Variants in SLC38A4 observed in about 807,000 individuals in gnomAD.
The protein encoded by SLC38A4 is solute carrier family 38 member 4.
In SLC38A4, 20 loss-of-function variants were observed where a neutral mutation model predicts 63.1. The ratio of observed to expected loss-of-function variants is 0.32; its 90% confidence interval spans 0.22 to 0.46. The LOEUF (loss-of-function observed/expected upper bound fraction) is 0.46, where lower values mean the gene tolerates loss of function less well. SLC38A4 is among the 20% of genes least tolerant of loss of function. SLC38A4 has a pLI of 1.00. For missense variants in SLC38A4, 526 were observed against 663.6 expected (o/e 0.79, Z 2.28); for synonymous variants, 230 against 225.5 (o/e 1.02, Z -0.18).
intron 2 of SLC38A4, among the ~76,000 whole-genome samples, chr12:46,797,073 T>A (rs1156699274): frequency 6.6e-6 from 1 of 152,166 alleles, no homozygotes; most frequent in Non-Finnish European, 1.5e-5. Flanking sequence ...TTTGTCCTTT[T>A]AAAAATATGT....
At chr12:46,832,222 C>G (rs1255356491) in intron 1 of SLC38A4, 5 of 152,088 alleles carry the variant, frequency 3.3e-5, no homozygotes, top group Non-Finnish European at 7.3e-5. Flanking sequence ...GGATGTCCCC[C>G]GTGCATACAC....
intron 2 of SLC38A4, among the ~76,000 whole-genome samples, chr12:46,802,781 C>T (rs993920542): frequency 3.1e-4 from 47 of 152,076 alleles, no homozygotes; most frequent in African/African-American, 1.1e-3. Context: ...AGTTACAAAA[C>T]ACTCTTAGTT....
At chr12:46,797,313 C>T (rs1939030956) in intron 2 of SLC38A4, among the ~76,000 whole-genome samples, 1 of 152,120 alleles carries the variant, frequency 6.6e-6, no homozygotes, top group East Asian at 1.9e-4. Flanking sequence ...ACTCTCACCA[C>T]TGAAGGTGAG....
At chr12:46,819,776 T>C (rs1173271583) in intron 1 of SLC38A4, among the ~76,000 whole-genome samples, 3 of 151,904 alleles carry the variant, frequency 2.0e-5, no homozygotes, top group Admixed American at 6.6e-5. Flanking sequence ...ATTGAAAAGA[T>C]TTGTTTAAAT....
upstream of SLC38A4, among the ~76,000 whole-genome samples, chr12:46,828,485 C>G (rs901364449): frequency 7.9e-5 from 12 of 152,076 alleles, no homozygotes; most frequent in Admixed American, 6.5e-4. Flanking sequence ...CCACATCCAG[C>G]TAATTTTTGT....
chr12:46,768,039 T>C (rs1419221653), intron 16 of SLC38A4, among the ~76,000 whole-genome samples: 1 of 152,154 alleles, frequency 6.6e-6, no homozygotes, highest in Non-Finnish European at 1.5e-5. Flanking sequence ...TATTGGACAC[T>C]GCTATTTGCC....
intron 5 of SLC38A4, 84 bp downstream of exon 5, chr12:46,787,832 G>T: frequency 3.1e-6 from 3 of 979,810 alleles, no homozygotes; most frequent in Non-Finnish European, 4.6e-6. Context: ...CGTTCACAAA[G>T]ATCAAACTTG....
At position 46,776,914 on chromosome 12, in the gene SLC38A4, T is replaced by G. The variant is rs770362299; in HGVS notation, c.1164A>C (p.Leu388=). 1 of 1,611,976 alleles carries G rather than the reference T, an allele frequency of 6.2e-7. No individual in the cohort carries two copies. Among genetic ancestry groups the G allele is most frequent in the Admixed American group, 1.7e-5 (1 of 59,866 alleles). ...MYLLAALFGY[L]TFYGEVEDEL... is the part of the protein sequence containing the mutation. ...TTCAGAGTGACCTACCATAGAAGGTTAGGTAACCAAAGAGGGCGGCAAGCA... is the reference window on the plus strand; with the variant it reads ...TTCAGAGTGACCTACCATAGAAGGTGAGGTAACCAAAGAGGGCGGCAAGCA... Residue 388 remains leucine (L), a synonymous_variant, in exon 13 of 17, where the codon CTA becomes CTC. Coordinates refer to ENST00000266579, the MANE Select transcript of SLC38A4 (RefSeq NM_018018.5).
intron 2 of SLC38A4, among the ~76,000 whole-genome samples, chr12:46,798,301 G>A (rs964542001): frequency 3.3e-5 from 5 of 152,074 alleles, no homozygotes; most frequent in African/African-American, 1.2e-4. Context: ...CCACCTCTCT[G>A]GTCTCATCTC....
At chr12:46,799,136 T>C (rs909097841) in intron 2 of SLC38A4, among the ~76,000 whole-genome samples, 1 of 152,146 alleles carries the variant, frequency 6.6e-6, no homozygotes, top group Admixed American at 6.5e-5. Flanking sequence ...CAGAATTGAA[T>C]TGATGTCTTT....
At chr12:46,783,502 G>A (rs1938693897) in intron 7 of SLC38A4, among the ~76,000 whole-genome samples, 2 of 152,032 alleles carry the variant, frequency 1.3e-5, no homozygotes, top group South Asian at 4.1e-4. Context: ...CTCAAGCCAG[G>A]AAGACCAGTT....
intron 3 of SLC38A4, among the ~76,000 whole-genome samples, chr12:46,791,335 A>T (rs1174361234): frequency 1.3e-5 from 2 of 152,104 alleles, no homozygotes; most frequent in African/African-American, 4.8e-5. Context: ...TCAGGCAACT[A>T]CTCTGCAGAC....
At chr12:46,779,014 C>T (rs1013010203) in intron 10 of SLC38A4, among the ~76,000 whole-genome samples, 6 of 151,942 alleles carry the variant, frequency 3.9e-5, no homozygotes. Flanking sequence ...GAATCCTTCC[C>T]ACCCTCTTTC....
intron 1 of SLC38A4, among the ~76,000 whole-genome samples, chr12:46,809,957 A>C (rs187523414): frequency 6.6e-6 from 1 of 152,144 alleles, no homozygotes; most frequent in African/African-American, 2.4e-5. Context: ...GAAAATCTTT[A>C]TTTAAGGCAC....
chr12:46,814,354 T>C (rs150161109), intron 1 of SLC38A4, among the ~76,000 whole-genome samples: 12 of 152,070 alleles, frequency 7.9e-5, no homozygotes, highest in Admixed American at 1.3e-4. Flanking sequence ...AATATGTGTT[T>C]GTTTAATATT....
intron 7 of SLC38A4, among the ~76,000 whole-genome samples, chr12:46,784,250 A>C (rs1476047468): frequency 6.6e-6 from 1 of 152,148 alleles, no homozygotes; most frequent in East Asian, 1.9e-4. Context: ...TTCAATTTTT[A>C]AGAGTAATAA....
At chr12:46,797,923 T>C (rs1473101273) in intron 2 of SLC38A4, among the ~76,000 whole-genome samples, 1 of 152,160 alleles carries the variant, frequency 6.6e-6, no homozygotes, top group Non-Finnish European at 1.5e-5. Flanking sequence ...CATAAGAGCC[T>C]TCTATTATAA....
intron 14 of SLC38A4, among the ~76,000 whole-genome samples, chr12:46,769,731 C>T (rs12313427): frequency 0.11 from 16,790 of 151,952 alleles, 1,001 homozygotes; most frequent in Non-Finnish European, 0.13. Flanking sequence ...AGCTTTTCTA[C>T]GTTTGGAGAC....
At chr12:46,788,497 G>A (rs199626179) in intron 4 of SLC38A4, 31 bp downstream of exon 4, 31 of 1,570,682 alleles carry the variant, frequency 2.0e-5, no homozygotes, top group Non-Finnish European at 2.4e-5. Flanking sequence ...CCTCAGTCCC[G>A]TTTATTGCCT....
Sources: allele counts gnomAD v4.1 joint callset (sites outside exome capture counted in the v4.1 genomes callset), GRCh38; gene constraint gnomAD v4.1.1; transcripts MANE v1.5; gene names NCBI Gene and HGNC (gene_info 2026-07-23, HGNC 2026-07-21).